The following GPR108 variants were observed in gnomAD, a reference collection of about 807,000 sequenced individuals.
The protein encoded by GPR108 is protein GPR108.
In GPR108, 60 loss-of-function variants were observed where a neutral mutation model predicts 74.3. That is an observed-to-expected ratio of 0.81 (90% confidence interval 0.66 to 1.00). The LOEUF (loss-of-function observed/expected upper bound fraction) is 1.00. GPR108 is among the 50% of genes least tolerant of loss of function. The pLI, the probability that GPR108 is intolerant of heterozygous loss-of-function variation, is 0.00. For missense variants in GPR108, 667 were observed against 703.3 expected, an observed-to-expected ratio of 0.95 and a Z score of 0.58; for synonymous variants, 311 against 292.4, an observed-to-expected ratio of 1.06 and a Z score of -0.65.
Position 6,731,461 on chromosome 19 carries a change from G to A in GPR108, c.1350+12C>T, listed in dbSNP as rs773987951. On this transcript the variant is annotated intron_variant, in intron 15 of 17. Transcript: ENST00000264080. Reference sequence around the variant, plus strand: ...TCCCCCCAAACCCGCTGTGAGTGAGGCGGGCTCCTACCATGACATAGTAAT... The same window carrying A: ...TCCCCCCAAACCCGCTGTGAGTGAGACGGGCTCCTACCATGACATAGTAAT... 6.5e-7 allele frequency: 1 copy of A among 1,535,446 alleles called. No homozygotes were observed. Among genetic ancestry groups the A allele is most frequent in the Non-Finnish European group, 8.8e-7 (1 of 1,142,656 alleles).
chr19:6,732,425 C>A, intron 11 of GPR108, 45 bp from the exon 12 acceptor site: 1 of 1,611,382 alleles, frequency 6.2e-7, no homozygotes, highest in Non-Finnish European at 8.5e-7. Context: ...GGGGGCCAAC[C>A]CTCCCCTGCC....
Position 6,734,066 on chromosome 19 carries a change from C to G in GPR108, c.500-12G>C. 2 of 1,614,096 alleles carry G rather than the reference C, an allele frequency of 1.2e-6. No homozygotes were observed. The highest frequency in any genetic ancestry group is 8.5e-7 in the Non-Finnish European group (1 of 1,180,012). On this transcript the variant is annotated splice_polypyrimidine_tract_variant and intron_variant, in intron 5 of 17. Transcript: ENST00000264080. ...TGCAGAGGTCCCTCCTGTAAGAGAC[C>G]GGGCAGTGATTTTAAGAGATGGATG...
rs1253314748 is a variant in GPR108 at position 6,730,497 on chromosome 19, C to T, written c.1560-113G>A. ...TCCCCCCAACCACAGCAGCCCTGGCCTTGCCCACTCTACCCCAGACTCACC... is the reference window on the plus strand; with the variant it reads ...TCCCCCCAACCACAGCAGCCCTGGCTTTGCCCACTCTACCCCAGACTCACC... On this transcript the variant is annotated intron_variant, in intron 17 of 17. Transcript: ENST00000264080. 9.6e-6 allele frequency: 8 copies of T among 836,540 alleles called. No homozygotes were observed. In the Admixed American group the frequency reaches 1.4e-4, roughly 15 times the overall value. 51.8% of individuals were successfully genotyped at this position (836,540 alleles called of 1,614,324 possible).
chr19:6,730,869 C>T (rs1294943199), intron 17 of GPR108, 118 bp downstream of exon 17: 1 of 1,163,158 alleles, frequency 8.6e-7, no homozygotes, highest in Non-Finnish European at 1.2e-6. Context: ...CAGGCTCTGC[C>T]CTAACACTGC....
At position 6,734,024 on chromosome 19, in the gene GPR108, G is replaced by A; in HGVS notation, c.530C>T (p.Ser177Leu). Residue 177 changes from serine to leucine, a missense_variant, in exon 6 of 18, where the codon TCA becomes TTA. Ser to Leu is a moderately radical substitution (Grantham distance 145). Transcript: ENST00000264080. ...GGTSAASKPK[S>L]TPAVIQGPSG... Reference sequence around the variant, plus strand: ...CGAAACCTGAATCACTGCGGGTGTTGACTTGGGCTTGCTGGCTGCAGAGGT... The same window carrying A: ...CGAAACCTGAATCACTGCGGGTGTTAACTTGGGCTTGCTGGCTGCAGAGGT... The A allele has an allele frequency of 6.2e-7, 1 of 1,614,186 alleles. No individual in the cohort carries two copies. Among genetic ancestry groups the A allele is most frequent in the Non-Finnish European group, 8.5e-7 (1 of 1,180,036 alleles).
At chr19:6,734,118 G>C in intron 5 of GPR108, 64 bp from the exon 6 acceptor site, 2 of 1,614,152 alleles carry the variant, frequency 1.2e-6, no homozygotes, top group Non-Finnish European at 8.5e-7. Context: ...GTGGGAAAAC[G>C]GCATGGGGAG....
At chr19:6,733,699 G>C (rs775699768) in intron 7 of GPR108, 25 bp from the exon 8 acceptor site, 8 of 1,606,242 alleles carry the variant, frequency 5.0e-6, no homozygotes, top group Non-Finnish European at 6.8e-6. Flanking sequence ...AGAGAGGAGG[G>C]CTCAGCCTGG....
At position 6,737,249 on chromosome 19, in the gene GPR108, C is replaced by T. The variant is rs556231317; in HGVS notation, c.120+208G>A. 1.7e-5 allele frequency: 10 copies of T among 601,306 alleles called. No individual in the cohort carries two copies. The East Asian group carries it at 3.4e-4, about 20-fold the overall frequency. 37.2% of individuals were successfully genotyped at this position (601,306 alleles called of 1,614,324 possible). A position where few individuals can be genotyped will look rare whatever the true frequency, so the allele number is the denominator to read the frequency against. ...AGCCTCGCCCCCGAAGGGAGGGGGC[C>T]GACCCCAGCGAGGCGGACCCGGCAA... On this transcript the variant is annotated intron_variant, in intron 1 of 17. Transcript: ENST00000264080.
At chr19:6,735,461 CTCCT>C in intron 4 of GPR108, 157 bp downstream of exon 4, 1 of 644,640 alleles carries the variant, frequency 1.6e-6, no homozygotes. Context: ...GAGTCCCTCT[CTCCT>C]TCCTTCCAAC....
Position 6,733,501 on chromosome 19 carries a change from G to A in GPR108, c.723+69C>T, listed in dbSNP as rs1381743670. The A allele has an allele frequency of 1.2e-5, 18 of 1,497,564 alleles. 1 individual carries two copies. The highest frequency in any genetic ancestry group is 1.7e-5 in the Admixed American group (1 of 59,496). 92.8% of individuals were successfully genotyped at this position (1,497,564 alleles called of 1,614,324 possible). A position where few individuals can be genotyped will look rare whatever the true frequency, so the allele number is the denominator to read the frequency against. Reference sequence around the variant, plus strand: ...AGGGCTGGGAAAAGCTAAGCGGGGTGAGGCACTCTGGGCCCGCAGTGGCCT... The same window carrying A: ...AGGGCTGGGAAAAGCTAAGCGGGGTAAGGCACTCTGGGCCCGCAGTGGCCT... On this transcript the variant is annotated intron_variant, in intron 8 of 17. Transcript: ENST00000264080.
chr19:6,736,336 A>G (rs1299946968), intron 2 of GPR108, among the ~76,000 whole-genome samples: 3 of 152,124 alleles, frequency 2.0e-5, no homozygotes, highest in Non-Finnish European at 2.9e-5. Flanking sequence ...GCCTCAGGCA[A>G]TCCTCCCACC....
chr19:6,730,839 C>T (rs1968363923), intron 17 of GPR108, 148 bp downstream of exon 17: 2 of 1,003,732 alleles, frequency 2.0e-6, no homozygotes, highest in African/African-American at 1.6e-5. Flanking sequence ...CCCCATCTCC[C>T]CTCCATCCCT....
Position 6,731,249 on chromosome 19 carries a change from C to T in GPR108, c.1384G>A (p.Ala462Thr), listed in dbSNP as rs762550339. 1.0e-5 allele frequency: 16 copies of T among 1,560,166 alleles called. No homozygotes were observed. Among genetic ancestry groups the T allele is most frequent in the Middle Eastern group, 1.7e-4 (1 of 5,808 alleles). ...ICYVYFTRII[A>T]ILLQVAVPFQ... Reference sequence around the variant, plus strand: ...GGCACAGCCACCTGCAGCAGGATGGCGATGATGCGGGTGAAGTAGACGTAG... The same window carrying T: ...GGCACAGCCACCTGCAGCAGGATGGTGATGATGCGGGTGAAGTAGACGTAG... The change falls in exon 16 of 18, where the codon GCC becomes ACC. Residue 462 changes from alanine to threonine, a missense_variant. Transcript: ENST00000264080.
intron 8 of GPR108, 55 bp downstream of exon 8, chr19:6,733,515 C>T: frequency 6.5e-7 from 1 of 1,544,580 alleles, no homozygotes; most frequent in Admixed American, 1.7e-5. Context: ...CACTCTGGGC[C>T]CGCAGTGGCC....
intron 17 of GPR108, 26 bp from the exon 18 acceptor site, chr19:6,730,410 C>G (rs1968342865): frequency 1.2e-6 from 2 of 1,605,130 alleles, no homozygotes; most frequent in Admixed American, 3.3e-5. Flanking sequence ...GAGGAGGCGT[C>G]TAGCGTTGCA....
chr19:6,730,204 G>C lies in GPR108; in HGVS notation c.*108C>G. ...GAACCGGGGTCCCGGGGAGCTGGGC[G>C]CCTGGTCCACATGGACCCCCTCCAC... is the stretch of plus-strand genomic sequence containing the variant. On this transcript the variant is annotated 3_prime_UTR_variant, in exon 18 of 18. Transcript: ENST00000264080. 1 of 1,045,274 alleles carries C rather than the reference G, an allele frequency of 9.6e-7. No individual in the cohort carries two copies. The highest frequency in any genetic ancestry group is 1.5e-6 in the Non-Finnish European group (1 of 676,690). The allele number at this position is 1,045,274 out of a possible 1,614,324, so 64.7% of individuals were successfully genotyped here. A position where few individuals can be genotyped will look rare whatever the true frequency, so the allele number is the denominator to read the frequency against.
In GPR108 at chr19:6,732,936, G is replaced by A. The variant is rs766522421; in HGVS notation, c.933+51C>T. On this transcript the variant is annotated intron_variant, in intron 10 of 17. Transcript: ENST00000264080. ...TCTGCAGAGATTTGGGGGATGGCCCGGGTGGGCCTTTCAGCCCACCCCCCG... is the reference window on the plus strand; with the variant it reads ...TCTGCAGAGATTTGGGGGATGGCCCAGGTGGGCCTTTCAGCCCACCCCCCG... 138 of 1,489,186 alleles carry A rather than the reference G, an allele frequency of 9.3e-5. 1 individual carries two copies. Among genetic ancestry groups the A allele is most frequent in the Non-Finnish European group, 1.1e-4 (124 of 1,095,568 alleles). The allele number at this position is 1,489,186 out of a possible 1,614,324, so 92.2% of individuals were successfully genotyped here.
intron 2 of GPR108, 121 bp from the exon 3 acceptor site, chr19:6,736,079 C>A: frequency 1.2e-6 from 1 of 836,290 alleles, no homozygotes; most frequent in Non-Finnish European, 1.9e-6. Context: ...GTGCTAGATC[C>A]CACACGCTCT....
chr19:6,732,421 C>T, intron 11 of GPR108, 41 bp from the exon 12 acceptor site: 1 of 1,608,946 alleles, frequency 6.2e-7, no homozygotes, highest in Non-Finnish European at 8.5e-7. Context: ...GGTGGGGGGC[C>T]AACCCTCCCC....
Sources: allele counts gnomAD v4.1 joint callset (sites outside exome capture counted in the v4.1 genomes callset), GRCh38; gene constraint gnomAD v4.1.1; transcripts MANE v1.5; gene names NCBI Gene and HGNC (gene_info 2026-07-23, HGNC 2026-07-21).